The following RET variants were observed in gnomAD, a reference collection of about 807,000 sequenced individuals.
RET encodes ret proto-oncogene, also known as proto-oncogene tyrosine-protein kinase receptor Ret.
In RET, 19 loss-of-function variants were observed where a neutral mutation model predicts 118.3. The ratio of observed to expected loss-of-function variants is 0.16; its 90% CI spans 0.11 to 0.24. RET has a LOEUF of 0.24. Among genes scored for constraint, RET ranks in the 10% least tolerant of loss-of-function variants. The pLI, the probability that RET is intolerant of heterozygous loss-of-function variation, is 1.00. For synonymous variants in RET, 597 were observed against 644.1 expected (o/e 0.93, Z 1.11); for missense variants, 1,219 against 1,502.1 (o/e 0.81, Z 3.12).
chr10:43,127,035 G>A, intron 19 of RET: 1 of 1,289,594 alleles, frequency 7.8e-7, no homozygotes, highest in South Asian at 1.8e-5. Flanking sequence ...GGCGCTTCTG[G>A]GGTGGGAATC....
chr10:43,128,221 G>A lies in RET; in HGVS notation c.3297G>A (p.Trp1099Ter). The change falls in exon 20 of 20, where the codon TGG becomes TGA. Residue 1099 changes from tryptophan (W) to a stop codon, truncating the protein, a stop_gained. Transcript: ENST00000355710. LOFTEE classifies it high-confidence loss of function. Reference sequence around the variant, plus strand: ...CAAATGATAGTGTATATGCTAACTGGATGCTTTCACCCTCAGCGGCAAAAT... The same window carrying A: ...CAAATGATAGTGTATATGCTAACTGAATGCTTTCACCCTCAGCGGCAAAAT... Reference protein sequence around the residue: ...RYPNDSVYANWMLSPSAAKLM... With the variant: ...RYPNDSVYAN 1.9e-6 allele frequency: 3 copies of A among 1,614,188 alleles called. No homozygotes were observed. The highest frequency in any genetic ancestry group is 2.5e-6 in the Non-Finnish European group (3 of 1,180,036).
At chr10:43,102,130 G>T (rs1385628527) in intron 2 of RET, among the ~76,000 whole-genome samples, 1 of 152,226 alleles carries the variant, frequency 6.6e-6, no homozygotes, top group Non-Finnish European at 1.5e-5. Flanking sequence ...ACTGAATGAT[G>T]AGAGCTAGGC....
intron 1 of RET, among the ~76,000 whole-genome samples, chr10:43,097,615 C>G (rs1285538131): frequency 1.3e-5 from 2 of 152,188 alleles, no homozygotes; most frequent in African/African-American, 2.4e-5. Flanking sequence ...ATCTCTCACC[C>G]TCTGTCGCCA....
intron 1 of RET, 61 bp from the exon 2 acceptor site, chr10:43,100,398 T>A (rs1471006032): frequency 6.3e-7 from 1 of 1,589,480 alleles, no homozygotes; most frequent in Non-Finnish European, 8.6e-7. Context: ...ATTTTTTTTT[T>A]TTTTGTCCTT....
intron 4 of RET, 105 bp downstream of exon 4, chr10:43,105,298 C>T: frequency 1.3e-6 from 2 of 1,534,794 alleles, no homozygotes; most frequent in Non-Finnish European, 1.8e-6. Flanking sequence ...TGTGGCCGAC[C>T]ATTCGCGCTT....
chr10:43,120,252 C>T (rs2132966234), intron 15 of RET, 49 bp downstream of exon 15: 1 of 1,608,468 alleles, frequency 6.2e-7, no homozygotes, highest in East Asian at 2.2e-5. Context: ...CCCAGGTGCA[C>T]CATGGGGCAG....
At chr10:43,089,990 T>C (rs1837377785) in intron 1 of RET, among the ~76,000 whole-genome samples, 1 of 152,188 alleles carries the variant, frequency 6.6e-6, no homozygotes, top group Non-Finnish European at 1.5e-5. Context: ...GGGATGGCCA[T>C]GCACCTGGGA....
At chr10:43,095,736 G>C (rs111514213) in intron 1 of RET, among the ~76,000 whole-genome samples, 1 of 152,272 alleles carries the variant, frequency 6.6e-6, no homozygotes, top group East Asian at 1.9e-4. Flanking sequence ...TGCCCTGTGC[G>C]TGCATACATA....
intron 3 of RET, 23 bp from the exon 4 acceptor site, chr10:43,104,929 G>T (rs1439779904): frequency 2.6e-6 from 4 of 1,550,276 alleles, no homozygotes; most frequent in Middle Eastern, 2.3e-4. Flanking sequence ...ATCACGCGGG[G>T]CCCCTGTCTG....
chr10:43,084,143 C>T (rs569383385), intron 1 of RET, among the ~76,000 whole-genome samples: 8 of 152,354 alleles, frequency 5.3e-5, no homozygotes, highest in African/African-American at 1.9e-4. Context: ...CACGTGGGTG[C>T]TTTCCACCTT....
chr10:43,095,771 C>T (rs1342762819), intron 1 of RET, among the ~76,000 whole-genome samples: 1 of 152,216 alleles, frequency 6.6e-6, no homozygotes, highest in Non-Finnish European at 1.5e-5. Flanking sequence ...ACACACACTA[C>T]ATAGGCCTTG....
At chr10:43,079,598 C>A (rs1837133425) in intron 1 of RET, among the ~76,000 whole-genome samples, 1 of 152,240 alleles carries the variant, frequency 6.6e-6, no homozygotes, top group South Asian at 2.1e-4. Context: ...CCTCCCACAG[C>A]TCCTCAGCAA....
rs1837655442 is a variant in RET, at chr10:43,102,237, T to C, written c.338-105T>C. The C allele has an allele frequency of 4.9e-6, 7 of 1,440,392 alleles. No homozygotes were observed. In the South Asian group the frequency reaches 6.9e-5, roughly 14 times the overall value. 89.2% of individuals were successfully genotyped at this position (1,440,392 alleles called of 1,614,324 possible). A position where few individuals can be genotyped will look rare whatever the true frequency, so the allele number is the denominator to read the frequency against. ...CCAGTCTGAGCCTTGTGGACCTTGG[T>C]GGGGACCAGGGTTTACACCAGCCCT... On this transcript the variant is annotated intron_variant, in intron 2 of 19. Coordinates refer to ENST00000355710, the MANE Select transcript of RET (RefSeq NM_020975.6).
chr10:43,103,083 AGT>A (rs1564490405), intron 3 of RET, among the ~76,000 whole-genome samples: 1 of 152,216 alleles, frequency 6.6e-6, no homozygotes, highest in Non-Finnish European at 1.5e-5. Context: ...AGGGCACCAC[AGT>A]GTGACCCTCG....
chr10:43,091,470 A>T (rs1019226777), intron 1 of RET, among the ~76,000 whole-genome samples: 2 of 151,988 alleles, frequency 1.3e-5, no homozygotes, highest in Admixed American at 1.3e-4. Flanking sequence ...CTCTACTAAA[A>T]ATACAAAAAA....
rs144607383 is a variant in RET at position 43,095,443 on chromosome 10, C to T, written c.74-5016C>T. Among the ~76,000 whole-genome samples the T allele has an allele frequency of 6.9e-3, 1,048 of 152,320 alleles. 6 individuals carry two copies. Among genetic ancestry groups the T allele is most frequent in the Non-Finnish European group, 0.012 (808 of 68,032 alleles). On this transcript the variant is annotated intron_variant, in intron 1 of 19. Coordinates refer to ENST00000355710, the MANE Select transcript of RET (RefSeq NM_020975.6). ...CTTGTGCTGCCTGCAAAGTAACCTG[C>T]TCCAGGCCCGCCTGGGCATGAGAAC...
intron 1 of RET, among the ~76,000 whole-genome samples, chr10:43,077,934 C>T (rs1222423937): frequency 2.3e-4 from 35 of 152,338 alleles, no homozygotes; most frequent in Admixed American, 2.2e-3. Flanking sequence ...TGGCTCCCCC[C>T]GAGGGGCCGC....
intron 1 of RET, among the ~76,000 whole-genome samples, chr10:43,087,979 T>C (rs1837325074): frequency 6.6e-6 from 1 of 152,142 alleles, no homozygotes; most frequent in Non-Finnish European, 1.5e-5. Context: ...GAGGTCGTGA[T>C]GATGGTTGTG....
In RET at chr10:43,116,735, C is replaced by A; in HGVS notation, c.2284+4C>A. ...GTGGCCGTGAAGATGCTGAAAGGTA[C>A]CTGCCAGGCACAGGCACAGTGCCCC... On this transcript the variant is annotated splice_donor_region_variant and intron_variant, in intron 12 of 19. Coordinates refer to ENST00000355710, the MANE Select transcript of RET (RefSeq NM_020975.6). 6.2e-7 allele frequency: 1 copy of A among 1,613,244 alleles called. No individual in the cohort carries two copies. Among genetic ancestry groups the A allele is most frequent in the Non-Finnish European group, 8.5e-7 (1 of 1,179,836 alleles).
Sources: allele counts gnomAD v4.1 joint callset (sites outside exome capture counted in the v4.1 genomes callset), GRCh38; gene constraint gnomAD v4.1.1; transcripts MANE v1.5; gene names NCBI Gene and HGNC (gene_info 2026-07-23, HGNC 2026-07-21).